The following TNFAIP8 variants were observed in gnomAD, a reference collection of about 807,000 sequenced individuals.
TNFAIP8 encodes TNF alpha induced protein 8.
Under a neutral mutation model 13.3 loss-of-function variants are expected in TNFAIP8, and 7 were observed. The observed-to-expected ratio is 0.52, with a 90% CI of 0.30 to 0.99. TNFAIP8 has a LOEUF of 0.99. Ranked by LOEUF, TNFAIP8 falls within the 50% of genes least tolerant of loss-of-function variation. TNFAIP8 has a pLI of 0.07. For synonymous variants in TNFAIP8, 94 were observed against 87.6 expected (o/e 1.07, Z -0.41); for missense variants, 258 against 236.9 (o/e 1.09, Z -0.58).
chr5:119,321,600 T>C (rs1395021393), intron 1 of TNFAIP8, among the ~76,000 whole-genome samples: 1 of 152,108 alleles, frequency 6.6e-6, no homozygotes, highest in African/African-American at 2.4e-5. Context: ...GCATCCTGAT[T>C]CCTCTGTTCA....
intron 1 of TNFAIP8, among the ~76,000 whole-genome samples, chr5:119,376,098 T>G (rs1286890855): frequency 3.9e-5 from 6 of 152,056 alleles, no homozygotes; most frequent in African/African-American, 1.4e-4. Context: ...AAAAAATATA[T>G]ATAAACTTAA....
At chr5:119,292,675 TATATATATATACAC>T (rs1347725650) in intron 1 of TNFAIP8, among the ~76,000 whole-genome samples, 7 of 36,106 alleles carry the variant, frequency 1.9e-4, no homozygotes, top group African/African-American at 4.6e-4. Flanking sequence ...TATATATATA[TATATATATATACAC>T]ACACACACAA....
chr5:119,387,778 CAGAG>C (rs1477137839), intron 1 of TNFAIP8, among the ~76,000 whole-genome samples: 1 of 152,106 alleles, frequency 6.6e-6, no homozygotes, highest in Non-Finnish European at 1.5e-5. Flanking sequence ...GATACAGAGA[CAGAG>C]AGGGAGGGAG....
At chr5:119,325,886 C>T (rs1417394411) in intron 1 of TNFAIP8, among the ~76,000 whole-genome samples, 2 of 152,216 alleles carry the variant, frequency 1.3e-5, no homozygotes, top group African/African-American at 4.8e-5. Flanking sequence ...CTGCCCAGAC[C>T]ATTATTCCTG....
chr5:119,382,523 A>G (rs1249992108), intron 1 of TNFAIP8, among the ~76,000 whole-genome samples: 1 of 152,216 alleles, frequency 6.6e-6, no homozygotes, highest in Non-Finnish European at 1.5e-5. Flanking sequence ...GTGGCATCCT[A>G]TACCAGCAGA....
chr5:119,270,865 C>T (rs1748272084), intron 1 of TNFAIP8, among the ~76,000 whole-genome samples: 1 of 152,146 alleles, frequency 6.6e-6, no homozygotes, highest in African/African-American at 2.4e-5. Flanking sequence ...AAACAAGGTT[C>T]TACCAAAAGC....
chr5:119,296,588 T>C (rs1300911796), intron 1 of TNFAIP8, among the ~76,000 whole-genome samples: 1 of 152,216 alleles, frequency 6.6e-6, no homozygotes, highest in Non-Finnish European at 1.5e-5. Context: ...TAAAATTCTC[T>C]TTTTTGGTTG....
intron 1 of TNFAIP8, among the ~76,000 whole-genome samples, chr5:119,364,132 A>G (rs916057314): frequency 2.0e-5 from 3 of 152,186 alleles, no homozygotes; most frequent in Non-Finnish European, 4.4e-5. Context: ...TCCCCTGCCC[A>G]GAGTGGGGGA....
At chr5:119,331,289 A>G (rs1370256259) in intron 1 of TNFAIP8, among the ~76,000 whole-genome samples, 2 of 151,976 alleles carry the variant, frequency 1.3e-5, no homozygotes, top group East Asian at 1.9e-4. Context: ...CTGCTTCACA[A>G]ATACTTACTT....
rs188713801 is a variant in TNFAIP8 at position 119,324,055 on chromosome 5, T to G, written c.1+55148T>G. On this transcript the variant is annotated intron_variant, in intron 1 of 1. Coordinates refer to the TNFAIP8 transcript ENST00000274456. ...CTGTTGTAATGACTCTAAAAAAGAATAGAGAATATTTTTTTCCTTAGAAGT... is the reference window on the plus strand; with the variant it reads ...CTGTTGTAATGACTCTAAAAAAGAAGAGAGAATATTTTTTTCCTTAGAAGT... Among the ~76,000 whole-genome samples the G allele has an allele frequency of 7.4e-4, 112 of 151,908 alleles. No homozygotes were observed. In the South Asian group the frequency reaches 8.5e-3, roughly 12 times the overall value.
intron 1 of TNFAIP8, among the ~76,000 whole-genome samples, chr5:119,388,491 A>G (rs1201850923): frequency 1.3e-5 from 2 of 152,232 alleles, no homozygotes; most frequent in African/African-American, 2.4e-5. Context: ...GACACAGTGA[A>G]CATGATACAC....
chr5:119,336,319 C>T (rs1750550241), intron 1 of TNFAIP8, among the ~76,000 whole-genome samples: 1 of 152,204 alleles, frequency 6.6e-6, no homozygotes, highest in Non-Finnish European at 1.5e-5. Context: ...CTGCCTCTGG[C>T]ACTCTTCCGG....
At chr5:119,383,646 C>G (rs146723307) in intron 1 of TNFAIP8, among the ~76,000 whole-genome samples, 12 of 152,248 alleles carry the variant, frequency 7.9e-5, no homozygotes, top group African/African-American at 2.9e-4. Flanking sequence ...TGCTCAGTAT[C>G]TATTCATGTA....
chr5:119,335,222 A>G (rs1043702043), intron 1 of TNFAIP8, among the ~76,000 whole-genome samples: 6 of 152,240 alleles, frequency 3.9e-5, no homozygotes, highest in African/African-American at 1.4e-4. Context: ...CCAATTCAGG[A>G]TAAACTCTAG....
chr5:119,397,412 A>T lies in TNFAIP8; in HGVS notation c.*4031A>T, dbSNP rs1753100798. On this transcript the variant is annotated 3_prime_UTR_variant, in exon 2 of 2. Coordinates refer to ENST00000504771, the MANE Select transcript of TNFAIP8 (RefSeq NM_014350.4). ...TAAAATGAATTAAATTAGCATGTTA[A>T]TAAGAGTGATAATATTTAAAAGTTT... 6.6e-6 allele frequency: 1 copy of T among 152,254 alleles called. No individual in the cohort carries two copies. The highest frequency in any genetic ancestry group is 6.5e-5 in the Admixed American group (1 of 15,288). The allele number at this position is 152,254 out of a possible 1,614,324, so 9.4% of individuals were successfully genotyped here.
At chr5:119,381,157 G>A (rs1015500855) in intron 1 of TNFAIP8, among the ~76,000 whole-genome samples, 5 of 152,164 alleles carry the variant, frequency 3.3e-5, no homozygotes, top group Non-Finnish European at 5.9e-5. Flanking sequence ...GGCCTCCGGC[G>A]CTTCTGTGGT....
At chr5:119,344,849 T>C (rs1028508424) in intron 1 of TNFAIP8, among the ~76,000 whole-genome samples, 3 of 152,178 alleles carry the variant, frequency 2.0e-5, no homozygotes, top group Admixed American at 1.3e-4. Flanking sequence ...TAAAGAAATA[T>C]AATATTAAGT....
At chr5:119,292,665 T>C (rs1749026130) in intron 1 of TNFAIP8, among the ~76,000 whole-genome samples, 1 of 43,136 alleles carries the variant, frequency 2.3e-5, no homozygotes, top group African/African-American at 5.3e-5. Context: ...TATATATATA[T>C]ATATATATAT....
At chr5:119,307,236 A>G (rs574615895) in intron 1 of TNFAIP8, among the ~76,000 whole-genome samples, 1 of 152,348 alleles carries the variant, frequency 6.6e-6, no homozygotes, top group Non-Finnish European at 1.5e-5. Context: ...AAGTCCACAA[A>G]TATACTATGG....
Sources: allele counts gnomAD v4.1 joint callset (sites outside exome capture counted in the v4.1 genomes callset), GRCh38; gene constraint gnomAD v4.1.1; transcripts MANE v1.5; gene names NCBI Gene and HGNC (gene_info 2026-07-23, HGNC 2026-07-21).